Variants in NYAP2 observed in about 807,000 individuals in gnomAD.
NYAP2 encodes neuronal tyrosine-phosphorylated phosphoinositide-3-kinase adapter 2.
In NYAP2, 23 loss-of-function variants were observed where a neutral mutation model predicts 50.4. The ratio of observed to expected loss-of-function variants is 0.46; its 90% CI spans 0.33 to 0.65. NYAP2 has a LOEUF of 0.65. Among genes scored for constraint, NYAP2 ranks in the 30% least tolerant of loss-of-function variants. The pLI is 0.02. For synonymous variants in NYAP2, 394 were observed against 365.2 expected, an observed-to-expected ratio of 1.08 and a Z score of -0.90; for missense variants, 885 against 861.0, an observed-to-expected ratio of 1.03 and a Z score of -0.35.
At chr2:225,590,194 C>T (rs1574696934) in intron 5 of NYAP2, among the ~76,000 whole-genome samples, 2 of 152,288 alleles carry the variant, frequency 1.3e-5, no homozygotes, top group Admixed American at 6.5e-5. Flanking sequence ...GCTCCTCTGC[C>T]GAGAGTCCCA....
chr2:225,619,165 CAAT>C (rs2106252339), intron 5 of NYAP2, among the ~76,000 whole-genome samples: 1 of 152,270 alleles, frequency 6.6e-6, no homozygotes, highest in East Asian at 1.9e-4. Flanking sequence ...CACAGGGACA[CAAT>C]AATAGCAATT....
intron 4 of NYAP2, among the ~76,000 whole-genome samples, chr2:225,536,770 C>CT (rs1691358133): frequency 6.6e-6 from 1 of 151,024 alleles, no homozygotes; most frequent in Admixed American, 6.6e-5. Context: ...TTCATTCTTT[C>CT]TTTCTTTTTT....
intron 4 of NYAP2, among the ~76,000 whole-genome samples, chr2:225,550,226 G>T (rs557551575): frequency 1.3e-5 from 2 of 152,076 alleles, no homozygotes; most frequent in Non-Finnish European, 2.9e-5. Flanking sequence ...TATACACATG[G>T]ATGGTCCCCT....
At chr2:225,684,013 T>G in the NYAP2 span, among the ~76,000 whole-genome samples, 2 of 152,170 alleles carry the variant, frequency 1.3e-5, no homozygotes, top group Non-Finnish European at 2.9e-5. Context: ...ACAAGTGTTA[T>G]TTTGATTACT....
chr2:225,512,889 C>CT (rs1690857318), intron 3 of NYAP2, among the ~76,000 whole-genome samples: 1 of 132,914 alleles, frequency 7.5e-6, no homozygotes. Context: ...TCCTTCCTTC[C>CT]TTCCTTCCTT....
chr2:225,520,442 TTTTTG>T (rs1271093451), intron 4 of NYAP2, among the ~76,000 whole-genome samples: 1 of 152,176 alleles, frequency 6.6e-6, no homozygotes, highest in Non-Finnish European at 1.5e-5. Flanking sequence ...CTTGAATTGA[TTTTTG>T]TATAAGGTGT....
At chr2:225,420,346 A>G (rs1044414707) in intron 3 of NYAP2, among the ~76,000 whole-genome samples, 1 of 152,186 alleles carries the variant, frequency 6.6e-6, no homozygotes, top group Non-Finnish European at 1.5e-5. Context: ...CTAAAGTTAA[A>G]GAGGGAAGGA....
chr2:225,446,797 C>A (rs2106144938), intron 3 of NYAP2, among the ~76,000 whole-genome samples: 1 of 152,136 alleles, frequency 6.6e-6, no homozygotes, highest in East Asian at 1.9e-4. Flanking sequence ...GACTACTGCG[C>A]CTGTTAAATT....
chr2:225,653,575 A>G (rs1693772801), exon 7 of NYAP2: 1 of 152,238 alleles, frequency 6.6e-6, no homozygotes, highest in South Asian at 2.1e-4. Context: ...TCAGAGCTAT[A>G]AATTAGAAGG....
exon 7 of NYAP2, chr2:225,652,256 G>A (rs200687673): frequency 8.3e-4 from 127 of 152,188 alleles, no homozygotes; most frequent in Middle Eastern, 3.4e-3. Context: ...AAAAACTGCA[G>A]ATTAATAAGG....
intron 4 of NYAP2, among the ~76,000 whole-genome samples, chr2:225,517,444 A>G (rs1690956226): frequency 1.3e-5 from 2 of 152,140 alleles, no homozygotes; most frequent in Admixed American, 6.6e-5. Context: ...CAATAATGTC[A>G]TTGTTAGAAA....
At chr2:225,630,059 T>C (rs1693280822) in intron 6 of NYAP2, among the ~76,000 whole-genome samples, 2 of 152,140 alleles carry the variant, frequency 1.3e-5, no homozygotes, top group Non-Finnish European at 2.9e-5. Context: ...ACAATGAGTT[T>C]CTCACCAGGA....
At chr2:225,615,564 G>A (rs1692973605) in intron 5 of NYAP2, among the ~76,000 whole-genome samples, 1 of 152,152 alleles carries the variant, frequency 6.6e-6, no homozygotes, top group African/African-American at 2.4e-5. Context: ...ATTTTATGGA[G>A]AACTGTTGTG....
the NYAP2 span, among the ~76,000 whole-genome samples, chr2:225,673,514 G>A: frequency 6.6e-6 from 1 of 152,004 alleles, no homozygotes; most frequent in South Asian, 2.1e-4. Context: ...ACAATAAAAC[G>A]AGGTAAGCTT....
At chr2:225,694,986 T>G in the NYAP2 span, among the ~76,000 whole-genome samples, 1 of 151,868 alleles carries the variant, frequency 6.6e-6, no homozygotes, top group African/African-American at 2.4e-5. Flanking sequence ...TTCAGACCAT[T>G]CTATCAATCA....
rs1378485055 is a variant in NYAP2, at chr2:225,637,921, ACT to A, written c.1828+10799_1828+10800del. 2.0e-5 allele frequency among the ~76,000 whole-genome samples: 3 copies of A among 152,148 alleles called. No homozygotes were observed. In the East Asian group the frequency reaches 5.8e-4, roughly 29 times the overall value. On this transcript the variant is annotated intron_variant, in intron 6 of 6. Transcript: ENST00000636099. ...AATTACAAAATAATAGAAGATAATGACTCTCACATTTCAAGGCGAAAAGCTTG... is the reference window on the plus strand; with the variant it reads ...AATTACAAAATAATAGAAGATAATGACTCACATTTCAAGGCGAAAAGCTTG...
chr2:225,637,692 C>T (rs982278493), intron 6 of NYAP2, among the ~76,000 whole-genome samples: 3 of 152,146 alleles, frequency 2.0e-5, no homozygotes, highest in African/African-American at 7.2e-5. Flanking sequence ...ACTTTTATTT[C>T]TCTGTGGAAA....
Position 225,581,934 on chromosome 2 carries a change from C to A in NYAP2, c.524-7C>A. 3.2e-6 allele frequency: 5 copies of A among 1,583,662 alleles called. No individual in the cohort carries two copies. Among genetic ancestry groups the A allele is most frequent in the Non-Finnish European group, 4.3e-6 (5 of 1,162,064 alleles). Reference sequence around the variant, plus strand: ...CATCTATTCCACTACGTTTTTTCTTCTTTTAGCGTCAGCTAAACCAAGACC... The same window carrying A: ...CATCTATTCCACTACGTTTTTTCTTATTTTAGCGTCAGCTAAACCAAGACC... On this transcript the variant is annotated splice_region_variant and splice_polypyrimidine_tract_variant and intron_variant, in intron 4 of 6. Coordinates refer to ENST00000636099, the Ensembl canonical transcript of NYAP2.
In NYAP2 at chr2:225,582,014, G is replaced by A. The variant is rs529456486; in HGVS notation, c.597G>A (p.Pro199=). The A allele has an allele frequency of 5.6e-6, 9 of 1,613,648 alleles. No individual in the cohort carries two copies. The highest frequency in any genetic ancestry group is 3.3e-5 in the South Asian group (3 of 91,056). Reference sequence around the variant, plus strand: ...CTCCTCCCAAACCGAAGCGAAATCCGAACACTCAGCTGAGCACATCTTTCG... The same window carrying A: ...CTCCTCCCAAACCGAAGCGAAATCCAAACACTCAGCTGAGCACATCTTTCG... The change falls in exon 5 of 7, where the codon CCG becomes CCA. Residue 199 remains proline (P), a synonymous_variant. Coordinates refer to ENST00000636099, the Ensembl canonical transcript of NYAP2. This position sits in a 1 kb window ranked among gnomAD's most constrained non-coding sequence, Gnocchi z 7.0.
Sources: gnomAD v4.1 joint callset for allele counts (sites outside exome capture counted in the v4.1 genomes callset) on GRCh38, gnomAD v4.1.1 for gene constraint, Gnocchi (gnomAD v3.1) non-coding constraint, MANE v1.5 for transcripts, NCBI Gene and HGNC (gene_info 2026-07-23, HGNC 2026-07-21) for gene names.